BET1L: variants seen among roughly 807,000 people sequenced by gnomAD.
BET1L encodes Bet1 golgi vesicular membrane trafficking protein like.
Under a neutral mutation model 12.6 loss-of-function variants are expected in BET1L, and 13 were observed. The observed-to-expected ratio is 1.03, with a 90% CI of 0.67 to 1.64. The LOEUF (loss-of-function observed/expected upper bound fraction) is 1.64. Ranked by LOEUF, BET1L falls within the 40% of genes most tolerant of loss-of-function variation. The probability of loss-of-function intolerance (pLI) is 0.00; values close to 1 mark genes in which losing one functional copy is unlikely to be tolerated. For missense variants in BET1L, 154 were observed against 150.7 expected, an observed-to-expected ratio of 1.02 and a Z score of -0.11; for synonymous variants, 60 against 56.9, an observed-to-expected ratio of 1.05 and a Z score of -0.25.
chr11:205,802 G>A lies in BET1L; in HGVS notation c.112-135C>T, dbSNP rs554043577. On this transcript the variant is annotated intron_variant, in intron 2 of 3. Coordinates refer to ENST00000382762, the MANE Select transcript of BET1L (RefSeq NM_001098787.2). ...GGCTGCAGCAGACAGAAAGGTCCAG[G>A]TGTCAGCTGGGGCCTCATGCAGGTG... is the stretch of plus-strand genomic sequence containing the variant. 3 of 1,450,736 alleles carry A rather than the reference G, an allele frequency of 2.1e-6. No individual in the cohort carries two copies. The South Asian group carries it at 3.8e-5, about 18-fold the overall frequency. The allele number at this position is 1,450,736 out of a possible 1,614,324, so 89.9% of individuals were successfully genotyped here. A position where few individuals can be genotyped will look rare whatever the true frequency, so the allele number is the denominator to read the frequency against.
At position 205,057 on chromosome 11, in the gene BET1L, T is replaced by TTGGGGAG. The variant is rs1554887678; in HGVS notation, c.*244_*245insCTCCCCA. On this transcript the variant is annotated 3_prime_UTR_variant, in exon 4 of 4. Transcript: ENST00000382762. ...CAGCTCTGCCTGGCTCTCTAGCACC[T>TTGGGGAG]GGGGGAGGGGGGAGGGGCTGGGCCT... 3 of 463,354 alleles carry TTGGGGAG rather than the reference T, an allele frequency of 6.5e-6. No individual in the cohort carries two copies. Among genetic ancestry groups the TTGGGGAG allele is most frequent in the Non-Finnish European group, 1.1e-5 (3 of 262,510 alleles). 28.7% of individuals were successfully genotyped at this position (463,354 alleles called of 1,614,324 possible). A position where few individuals can be genotyped will look rare whatever the true frequency, so the allele number is the denominator to read the frequency against.
chr11:207,009 C>T lies in BET1L; in HGVS notation c.19+294G>A, dbSNP rs555038909. 248 of 473,838 alleles carry T rather than the reference C, an allele frequency of 5.2e-4. 4 individuals carry two copies. In the South Asian group the frequency reaches 6.7e-3, roughly 13 times the overall value. 29.4% of individuals were successfully genotyped at this position (473,838 alleles called of 1,614,324 possible). A position where few individuals can be genotyped will look rare whatever the true frequency, so the allele number is the denominator to read the frequency against. On this transcript the variant is annotated intron_variant, in intron 1 of 3. Transcript: ENST00000382762. ...GTCGAATGCCGACTCCCGCTCACCCCGAACCCATGCAGAACGATCTCACAG... is the reference window on the plus strand; with the variant it reads ...GTCGAATGCCGACTCCCGCTCACCCTGAACCCATGCAGAACGATCTCACAG...
At position 205,208 on chromosome 11, in the gene BET1L, G is replaced by A. The variant is rs1855119909; in HGVS notation, c.*94C>T. 2 of 1,406,656 alleles carry A rather than the reference G, an allele frequency of 1.4e-6. No homozygotes were observed. Among genetic ancestry groups the A allele is most frequent in the South Asian group, 1.4e-5 (1 of 69,156 alleles). 87.1% of individuals were successfully genotyped at this position (1,406,656 alleles called of 1,614,324 possible). ...CTGACCCACAATTATCATTGCAAAG[G>A]AGTATTTTGTAGGTAAGTCCTCTGG... On this transcript the variant is annotated 3_prime_UTR_variant, in exon 4 of 4. Transcript: ENST00000382762.
chr11:203,769 A>G lies in BET1L; in HGVS notation c.*1533T>C, dbSNP rs1416969862. 1 of 153,152 alleles carries G rather than the reference A, an allele frequency of 6.5e-6. No homozygotes were observed. Among genetic ancestry groups the G allele is most frequent in the Non-Finnish European group, 1.5e-5 (1 of 68,396 alleles). The allele number at this position is 153,152 out of a possible 1,614,324, so 9.5% of individuals were successfully genotyped here. A position where few individuals can be genotyped will look rare whatever the true frequency, so the allele number is the denominator to read the frequency against. On this transcript the variant is annotated 3_prime_UTR_variant, in exon 4 of 4. Coordinates refer to ENST00000382762, the MANE Select transcript of BET1L (RefSeq NM_001098787.2). The stretch of plus-strand genomic sequence containing the variant: ...AGGGCAACAGCAAAGCCCCAGAGAC[A>G]TGGAGGCAGATGAGTCAACCTTGCT...
chr11:207,206 C>G, intron 1 of BET1L, 97 bp downstream of exon 1: 1 of 1,454,670 alleles, frequency 6.9e-7, no homozygotes, highest in Non-Finnish European at 9.1e-7. Context: ...CCGAGGTCAC[C>G]CCAGCTGGGC....
chr11:202,992 GA>G lies in BET1L; in HGVS notation c.*2309del, dbSNP rs1385120497. ...AATGTTTCTCATCCTGAAATTATGG[GA>G]TACAGCCTAGCAGTTTGTCCTCACT... On this transcript the variant is annotated 3_prime_UTR_variant, in exon 4 of 4. Coordinates refer to ENST00000382762, the MANE Select transcript of BET1L (RefSeq NM_001098787.2). The G allele has an allele frequency of 6.6e-6, 1 of 152,200 alleles. No homozygotes were observed. The highest frequency in any genetic ancestry group is 2.4e-5 in the African/African-American group (1 of 41,440). 9.4% of individuals were successfully genotyped at this position (152,200 alleles called of 1,614,324 possible). A position where few individuals can be genotyped will look rare whatever the true frequency, so the allele number is the denominator to read the frequency against.
chr11:206,088 C>A (rs369699119), intron 1 of BET1L, 45 bp from the exon 2 acceptor site: 92 of 1,557,880 alleles, frequency 5.9e-5, no homozygotes, highest in Admixed American at 1.7e-4. Flanking sequence ...TCGGTGAGCA[C>A]GGCCCCTGAC....
In BET1L at chr11:205,826, T is replaced by C. The variant is rs1590070381; in HGVS notation, c.111+126A>G. 3.5e-6 allele frequency: 5 copies of C among 1,437,270 alleles called. No homozygotes were observed. In the East Asian group the frequency reaches 1.1e-4, roughly 33 times the overall value. The allele number at this position is 1,437,270 out of a possible 1,614,324, so 89.0% of individuals were successfully genotyped here. On this transcript the variant is annotated intron_variant, in intron 2 of 3. Transcript: ENST00000382762. ...GGTGTCAGCTGGGGCCTCATGCAGG[T>C]GAGCACAGCCACGAATTGGATGAGG...
chr11:205,176 A>T lies in BET1L; in HGVS notation c.*126T>A, dbSNP rs1417848219. ...CCGCAGCCTCCTGCCACACAGGAAG[A>T]AGATTCCTGACCCACAATTATCATT... On this transcript the variant is annotated 3_prime_UTR_variant, in exon 4 of 4. Coordinates refer to ENST00000382762, the MANE Select transcript of BET1L (RefSeq NM_001098787.2). 1.6e-5 allele frequency: 20 copies of T among 1,288,760 alleles called. No homozygotes were observed. The highest frequency in any genetic ancestry group is 2.8e-5 in the Admixed American group (1 of 36,218). 79.8% of individuals were successfully genotyped at this position (1,288,760 alleles called of 1,614,324 possible).
In BET1L at chr11:205,965, G is replaced by GT. The variant is rs1189436198; in HGVS notation, c.97dup (p.Thr33AsnfsTer12). The GT allele has an allele frequency of 6.2e-7, 1 of 1,613,968 alleles. No homozygotes were observed. The highest frequency in any genetic ancestry group is 1.3e-5 in the African/African-American group (1 of 74,936). On this transcript the variant is annotated frameshift_variant, in exon 2 of 4. Coordinates refer to ENST00000382762, the MANE Select transcript of BET1L (RefSeq NM_001098787.2). LOFTEE classifies it high-confidence loss of function. ...ACCACCACTGACCGATTTGAGCCTG[G>GT]TGACTTTGGAGGCCAGGCTGTCAGC...
rs2280545 is a variant in BET1L at position 204,147 on chromosome 11, G to A, written c.*1155C>T. 27,563 of 152,364 alleles carry A rather than the reference G, an allele frequency of 0.18. 2,704 individuals carry two copies. The highest frequency in any genetic ancestry group is 0.26 in the Middle Eastern group (75 of 294). The allele number at this position is 152,364 out of a possible 1,614,324, so 9.4% of individuals were successfully genotyped here. Reference sequence around the variant, plus strand: ...AGGCAGAAGATTGGAACAGGACAGAGAAGGGCAAAGAAGCACATGGCTCAT... The same window carrying A: ...AGGCAGAAGATTGGAACAGGACAGAAAAGGGCAAAGAAGCACATGGCTCAT... On this transcript the variant is annotated 3_prime_UTR_variant, in exon 4 of 4. Coordinates refer to ENST00000382762, the MANE Select transcript of BET1L (RefSeq NM_001098787.2).
Position 205,958 on chromosome 11 carries a change from G to C in BET1L, c.105C>G (p.Leu35=), listed in dbSNP as rs762182663. 1.9e-6 allele frequency: 3 copies of C among 1,613,964 alleles called. No homozygotes were observed. In the Admixed American group the frequency reaches 5.0e-5, roughly 27 times the overall value. The change falls in exon 2 of 4, where the codon CTC becomes CTG. Residue 35 remains leucine, a synonymous_variant. Coordinates refer to ENST00000382762, the MANE Select transcript of BET1L (RefSeq NM_001098787.2). ...AGGACAGACCACCACTGACCGATTT[G>C]AGCCTGGTGACTTTGGAGGCCAGGC... ...ADSLASKVTR[L]KSLALDIDRD...
At chr11:205,513 G>A (rs1855127137) in intron 3 of BET1L, 44 bp from the exon 4 acceptor site, 5 of 1,614,172 alleles carry the variant, frequency 3.1e-6, no homozygotes, top group Non-Finnish European at 3.4e-6. Flanking sequence ...GTGGTGATTT[G>A]ACCACCCACC....
At position 206,164 on chromosome 11, in the gene BET1L, G is replaced by A. The variant is rs1038534830; in HGVS notation, c.20-121C>T. On this transcript the variant is annotated intron_variant, in intron 1 of 3. Coordinates refer to ENST00000382762, the MANE Select transcript of BET1L (RefSeq NM_001098787.2). ...GGGGGCCCTAACCAAGGTTCCAGCA[G>A]GTGAATCTTGCACATGAGACAGGCT... is the stretch of plus-strand genomic sequence containing the variant. 3 of 780,096 alleles carry A rather than the reference G, an allele frequency of 3.8e-6. No individual in the cohort carries two copies. In the African/African-American group the frequency reaches 5.1e-5, roughly 13 times the overall value. 48.3% of individuals were successfully genotyped at this position (780,096 alleles called of 1,614,324 possible).
chr11:205,862 G>T, intron 2 of BET1L, 90 bp downstream of exon 2: 1 of 1,503,284 alleles, frequency 6.7e-7, no homozygotes. Context: ...ATGGAAAACT[G>T]CCTGAAACTC....
Position 205,265 on chromosome 11 carries a change from C to T in BET1L, c.*37G>A, listed in dbSNP as rs1855120916. 1 of 1,591,798 alleles carries T rather than the reference C, an allele frequency of 6.3e-7. No individual in the cohort carries two copies. The highest frequency in any genetic ancestry group is 1.3e-5 in the African/African-American group (1 of 74,242). ...AAACACCAGGCAGGGAAGACCCTGG[C>T]TGCCCTTGGCACCCACAGACACCAG... is the stretch of plus-strand genomic sequence containing the variant. On this transcript the variant is annotated 3_prime_UTR_variant, in exon 4 of 4. Transcript: ENST00000382762.
At chr11:205,880 C>A (rs939574817) in intron 2 of BET1L, 72 bp downstream of exon 2, 2 of 1,544,616 alleles carry the variant, frequency 1.3e-6, no homozygotes, top group Admixed American at 1.7e-5. Context: ...CTCCTCTGGG[C>A]CCTCTGCCTT....
intron 2 of BET1L, 24 bp downstream of exon 2, chr11:205,928 G>C (rs1189746419): frequency 3.0e-5 from 49 of 1,610,212 alleles, no homozygotes; most frequent in Non-Finnish European, 3.9e-5. Context: ...CCAGGTGGAG[G>C]TAAGAGGACA....
rs1169319507 is a variant in BET1L at position 203,464 on chromosome 11, G to GTA, written c.*1837_*1838insTA. 2 of 152,482 alleles carry GTA rather than the reference G, an allele frequency of 1.3e-5. No individual in the cohort carries two copies. Among genetic ancestry groups the GTA allele is most frequent in the Non-Finnish European group, 2.9e-5 (2 of 68,048 alleles). The allele number at this position is 152,482 out of a possible 1,614,324, so 9.4% of individuals were successfully genotyped here. On this transcript the variant is annotated 3_prime_UTR_variant, in exon 4 of 4. Transcript: ENST00000382762. ...GCACCACCATGGAAAGAGCACCTGG[G>GTA]GTGTAGCTGGTTACCACAGCTCAGC...
Sources: allele counts gnomAD v4.1 joint callset, GRCh38; gene constraint gnomAD v4.1.1; transcripts MANE v1.5; gene names NCBI Gene and HGNC (gene_info 2026-07-23, HGNC 2026-07-21).